The following EDIL3 variants were observed in gnomAD, a reference collection of about 807,000 sequenced individuals.
EDIL3 encodes EGF like and discoidin domains 3.
Under a neutral mutation model 67.4 loss-of-function variants are expected in EDIL3, and 37 were observed. The ratio of observed to expected loss-of-function variants is 0.55; its 90% CI spans 0.42 to 0.72. EDIL3 has a LOEUF of 0.72. Ranked by LOEUF, EDIL3 falls within the 30% of genes least tolerant of loss-of-function variation. The pLI is 0.00. For synonymous variants in EDIL3, 195 were observed against 196.3 expected (o/e 0.99, Z 0.05); for missense variants, 527 against 586.3 (o/e 0.90, Z 1.04).
chr5:84,153,922 G>A (rs773791804), intron 4 of EDIL3, among the ~76,000 whole-genome samples: 3 of 152,186 alleles, frequency 2.0e-5, no homozygotes, highest in Non-Finnish European at 4.4e-5. Flanking sequence ...ACATCTGAGT[G>A]TTGCTGGGGA....
At chr5:84,349,948 A>G (rs945297378) in intron 1 of EDIL3, among the ~76,000 whole-genome samples, 2 of 152,174 alleles carry the variant, frequency 1.3e-5, no homozygotes, top group African/African-American at 4.8e-5. Context: ...CTTAATCCTT[A>G]TAACAGCTCT....
At chr5:84,046,061 G>A (rs769663917) in intron 9 of EDIL3, among the ~76,000 whole-genome samples, 2 of 152,156 alleles carry the variant, frequency 1.3e-5, no homozygotes, top group Non-Finnish European at 2.9e-5. Context: ...CAAACATATC[G>A]TTGGGTTGTG....
At chr5:83,953,910 G>C (rs1270136720) in intron 10 of EDIL3, among the ~76,000 whole-genome samples, 1 of 151,800 alleles carries the variant, frequency 6.6e-6, no homozygotes, top group Non-Finnish European at 1.5e-5. Context: ...TTCAACCAAA[G>C]GAACTACGTA....
At chr5:84,226,971 C>T (rs1744464431) in intron 3 of EDIL3, among the ~76,000 whole-genome samples, 1 of 151,868 alleles carries the variant, frequency 6.6e-6, no homozygotes, top group Admixed American at 6.6e-5. Context: ...CTATATTATA[C>T]TTAAATATAG....
intron 5 of EDIL3, among the ~76,000 whole-genome samples, chr5:84,107,171 G>A (rs1747480546): frequency 6.6e-6 from 1 of 151,934 alleles, no homozygotes. Flanking sequence ...TATATTCCCG[G>A]AGATTAGCAT....
intron 10 of EDIL3, among the ~76,000 whole-genome samples, chr5:83,962,588 T>C (rs931586828): frequency 2.0e-5 from 3 of 151,526 alleles, no homozygotes; most frequent in Admixed American, 6.6e-5. Context: ...GGTATGTATA[T>C]ATAAAATTCA....
chr5:84,289,856 C>T (rs893981056), intron 1 of EDIL3, among the ~76,000 whole-genome samples: 1 of 152,110 alleles, frequency 6.6e-6, no homozygotes, highest in East Asian at 1.9e-4. Flanking sequence ...ATTGTTTAAG[C>T]ACTAAAATAT....
chr5:84,350,507 A>G (rs1398022823), intron 1 of EDIL3, among the ~76,000 whole-genome samples: 1 of 152,056 alleles, frequency 6.6e-6, no homozygotes, highest in Non-Finnish European at 1.5e-5. Flanking sequence ...AAACTTCTAA[A>G]TCTTGCATAT....
chr5:84,178,390 A>C (rs1469539396), intron 4 of EDIL3, among the ~76,000 whole-genome samples: 1 of 152,152 alleles, frequency 6.6e-6, no homozygotes, highest in East Asian at 1.9e-4. Flanking sequence ...ACAAACCCAG[A>C]TACCTAGCAA....
intron 1 of EDIL3, among the ~76,000 whole-genome samples, chr5:84,377,081 C>CT (rs1267906088): frequency 6.6e-6 from 1 of 152,180 alleles, no homozygotes; most frequent in Non-Finnish European, 1.5e-5. Flanking sequence ...AATCCCAGCA[C>CT]TTTGGGAGGC....
At chr5:84,296,745 T>G (rs778739295) in intron 1 of EDIL3, among the ~76,000 whole-genome samples, 2 of 152,192 alleles carry the variant, frequency 1.3e-5, no homozygotes, top group Admixed American at 6.5e-5. Flanking sequence ...GCCTATGTCC[T>G]GAATGGTATT....
At chr5:84,179,872 G>T (rs772594413) in intron 4 of EDIL3, among the ~76,000 whole-genome samples, 12 of 152,012 alleles carry the variant, frequency 7.9e-5, no homozygotes, top group Non-Finnish European at 1.5e-4. Context: ...AACCTTCCAA[G>T]ATAAATAAGA....
chr5:84,181,670 T>G (rs891421313), intron 3 of EDIL3, among the ~76,000 whole-genome samples: 8 of 152,162 alleles, frequency 5.3e-5, no homozygotes, highest in Non-Finnish European at 1.2e-4. Context: ...TACAGTCTTC[T>G]TCCTGCAGGA....
At chr5:84,096,633 G>C (rs1747268888) in intron 6 of EDIL3, among the ~76,000 whole-genome samples, 1 of 152,106 alleles carries the variant, frequency 6.6e-6, no homozygotes, top group African/African-American at 2.4e-5. Context: ...ATGAGACTTT[G>C]GACTGCAGAC....
chr5:83,955,159 A>G (rs1744492719), intron 10 of EDIL3, among the ~76,000 whole-genome samples: 2 of 151,894 alleles, frequency 1.3e-5, no homozygotes, highest in South Asian at 4.1e-4. Flanking sequence ...CTATTAATAA[A>G]TAAGTCACAC....
At chr5:84,379,428 T>C (rs2112222595) in intron 1 of EDIL3, among the ~76,000 whole-genome samples, 1 of 152,260 alleles carries the variant, frequency 6.6e-6, no homozygotes, top group East Asian at 1.9e-4. Context: ...AAACATACAC[T>C]TTACCATAAT....
At chr5:84,262,270 C>A (rs1198618293) in intron 1 of EDIL3, among the ~76,000 whole-genome samples, 1 of 152,046 alleles carries the variant, frequency 6.6e-6, no homozygotes, top group Non-Finnish European at 1.5e-5. Context: ...TCCACAGTTT[C>A]TTAAAGCTAA....
At chr5:84,133,660 G>A (rs1748038446) in intron 5 of EDIL3, among the ~76,000 whole-genome samples, 1 of 151,332 alleles carries the variant, frequency 6.6e-6, no homozygotes, top group Non-Finnish European at 1.5e-5. Context: ...AATGAACAAG[G>A]GAATTAAATT....
rs535454721 is a variant in EDIL3, at chr5:84,245,910, A to C, written c.196+8174T>G. On this transcript the variant is annotated intron_variant, in intron 2 of 10. Transcript: ENST00000296591. ...CTATTTTTTCAATAATTTTTTCTAAAATGTAAAAAAAAAAAAAAAAAAATC... is the reference window on the plus strand; with the variant it reads ...CTATTTTTTCAATAATTTTTTCTAACATGTAAAAAAAAAAAAAAAAAAATC... 2.6e-3 allele frequency among the ~76,000 whole-genome samples: 219 copies of C among 82,706 alleles called. 6 individuals are homozygous for C. In the East Asian group the frequency reaches 0.13, roughly 48 times the overall value. The allele number at this position is 82,706 out of a possible 152,430, so 54.3% of individuals were successfully genotyped here.
Sources: gnomAD v4.1 joint callset for allele counts (sites outside exome capture counted in the v4.1 genomes callset) on GRCh38, gnomAD v4.1.1 for gene constraint, MANE v1.5 for transcripts, NCBI Gene and HGNC (gene_info 2026-07-23, HGNC 2026-07-21) for gene names.